Variants in RIMS1 observed in about 807,000 individuals in gnomAD.
The protein encoded by RIMS1 is regulating synaptic membrane exocytosis protein 1.
RIMS1 carries 83 observed loss-of-function variants against 214.1 expected under a neutral mutation model. That is an observed-to-expected ratio of 0.39 (90% CI 0.32 to 0.47). RIMS1 has a LOEUF of 0.47. Among genes scored for constraint, RIMS1 ranks in the 20% least tolerant of loss-of-function variants. RIMS1 has a pLI of 0.99. For missense variants in RIMS1, 2,050 were observed against 2,161.8 expected (o/e 0.95, Z 1.03); for synonymous variants, 793 against 786.8 (o/e 1.01, Z -0.13).
intron 4 of RIMS1, among the ~76,000 whole-genome samples, chr6:72,165,502 T>G (rs1438482766): frequency 6.6e-6 from 1 of 152,184 alleles, no homozygotes. Context: ...TCTTCCTCTC[T>G]TTCTGCCTTT....
chr6:72,311,593 T>C (rs2095514594), intron 27 of RIMS1, among the ~76,000 whole-genome samples: 1 of 152,188 alleles, frequency 6.6e-6, no homozygotes, highest in South Asian at 2.1e-4. Context: ...GAGAGATAAA[T>C]CACACAATTA....
At chr6:72,190,819 G>T (rs1588845084) in intron 6 of RIMS1, among the ~76,000 whole-genome samples, 2 of 152,152 alleles carry the variant, frequency 1.3e-5, no homozygotes, top group Non-Finnish European at 2.9e-5. Context: ...GGGTCAGAAA[G>T]TACCCATTTC....
intron 6 of RIMS1, among the ~76,000 whole-genome samples, chr6:72,214,031 A>AT (rs1156426186): frequency 1.3e-5 from 2 of 152,094 alleles, no homozygotes; most frequent in African/African-American, 4.8e-5. Context: ...AAATAGAAGG[A>AT]TTTTTTCTAC....
chr6:72,265,573 T>C (rs2080160225), intron 21 of RIMS1, 70 bp downstream of exon 21: 1 of 858,796 alleles, frequency 1.2e-6, no homozygotes, highest in Non-Finnish European at 1.9e-6. Flanking sequence ...AGTTGAGTTG[T>C]AAAATTATTT....
intron 1 of RIMS1, among the ~76,000 whole-genome samples, chr6:71,952,837 C>T (rs928668342): frequency 2.0e-5 from 3 of 152,066 alleles, no homozygotes; most frequent in African/African-American, 7.2e-5. Flanking sequence ...CTCAGGTTGG[C>T]TGGGTGGAAG....
chr6:72,366,135 A>G (rs2098008075), intron 29 of RIMS1, among the ~76,000 whole-genome samples: 1 of 152,170 alleles, frequency 6.6e-6, no homozygotes, highest in South Asian at 2.1e-4. Flanking sequence ...AAGTTTTTCT[A>G]TTTCCAGTGT....
At chr6:72,138,406 C>T (rs1475441122) in intron 4 of RIMS1, among the ~76,000 whole-genome samples, 1 of 152,138 alleles carries the variant, frequency 6.6e-6, no homozygotes, top group Non-Finnish European at 1.5e-5. Flanking sequence ...AATCCTCATT[C>T]CTCTCCCCAG....
In RIMS1 at chr6:72,098,305, C is replaced by CT. The variant is rs1452040311; in HGVS notation, c.459+1151dup. 6.7e-3 allele frequency among the ~76,000 whole-genome samples: 747 copies of CT among 111,304 alleles called. 7 individuals carry two copies. The highest frequency in any genetic ancestry group is 0.023 in the African/African-American group (706 of 30,170). 73.0% of individuals were successfully genotyped at this position (111,304 alleles called of 152,430 possible). A position where few individuals can be genotyped will look rare whatever the true frequency, so the allele number is the denominator to read the frequency against. ...TCAATATATCTTTTTTTTTTTTTTT[C>CT]TTTTTTTTCTTGAGACAGAGTCTTG... On this transcript the variant is annotated intron_variant, in intron 3 of 33. Transcript: ENST00000521978.
chr6:72,221,128 T>A (rs1000392477), intron 6 of RIMS1, among the ~76,000 whole-genome samples: 3 of 152,056 alleles, frequency 2.0e-5, no homozygotes, highest in Admixed American at 6.6e-5. Context: ...TTAAACGTAA[T>A]ATCTTTATTC....
At chr6:72,095,630 T>G (rs1445793262) in intron 2 of RIMS1, among the ~76,000 whole-genome samples, 6 of 152,196 alleles carry the variant, frequency 3.9e-5, no homozygotes, top group Non-Finnish European at 8.8e-5. Context: ...ATTTGAGAAT[T>G]TTTAAAGTAA....
intron 1 of RIMS1, among the ~76,000 whole-genome samples, chr6:71,899,098 A>G (rs912704802): frequency 1.3e-5 from 2 of 151,866 alleles, no homozygotes; most frequent in Non-Finnish European, 2.9e-5. Flanking sequence ...ACTAAGAAAT[A>G]TTTTATTTAA....
chr6:72,214,281 G>A (rs923558859), intron 6 of RIMS1, among the ~76,000 whole-genome samples: 4 of 152,096 alleles, frequency 2.6e-5, no homozygotes, highest in Non-Finnish European at 5.9e-5. Context: ...AAACCAAACA[G>A]GGTTTGGTAA....
At chr6:72,380,721 A>G (rs2098472071) in intron 29 of RIMS1, among the ~76,000 whole-genome samples, 1 of 152,118 alleles carries the variant, frequency 6.6e-6, no homozygotes, top group Non-Finnish European at 1.5e-5. Flanking sequence ...AAATTGAGAT[A>G]GGGTCTCTCT....
At chr6:72,221,668 C>T (rs1393769028) in intron 6 of RIMS1, among the ~76,000 whole-genome samples, 1 of 151,720 alleles carries the variant, frequency 6.6e-6, no homozygotes, top group Non-Finnish European at 1.5e-5. Context: ...TTGACTGGCT[C>T]TTTTATTTTG....
intron 6 of RIMS1, among the ~76,000 whole-genome samples, chr6:72,230,363 A>G (rs553135963): frequency 6.6e-6 from 1 of 151,806 alleles, no homozygotes; most frequent in African/African-American, 2.4e-5. Flanking sequence ...AGGCTTTGGG[A>G]CAGATAAGCT....
At chr6:71,981,324 T>G (rs1403188214) in intron 2 of RIMS1, among the ~76,000 whole-genome samples, 1 of 152,120 alleles carries the variant, frequency 6.6e-6, no homozygotes, top group Non-Finnish European at 1.5e-5. Flanking sequence ...CTCATGTTCA[T>G]TTACCCACTA....
chr6:72,099,272 AG>A (rs1186823297), intron 3 of RIMS1, among the ~76,000 whole-genome samples: 1 of 152,234 alleles, frequency 6.6e-6, no homozygotes, highest in Non-Finnish European at 1.5e-5. Flanking sequence ...CGCTTTGGAG[AG>A]GACACTCACG....
Position 72,182,907 on chromosome 6 carries a change from G to T in RIMS1, c.1436G>T (p.Ser479Ile). Residue 479 changes from serine (S) to isoleucine (I), a missense_variant, in exon 6 of 34, where the codon AGC becomes ATC. By Grantham distance (142) the Ser-to-Ile change is moderately radical. This residue lies in a region of RIMS1 where 882 missense variants were observed against 828.9 expected (regional missense o/e 1.06). Coordinates refer to ENST00000521978, the MANE Select transcript of RIMS1 (RefSeq NM_014989.7). ...AGGAAGCAGAGCCGCCTGGACCCCA[G>T]CTCGGCGGTCCTCATGCGGAAGGCC... ...PLRKQSRLDP[S>I]SAVLMRKAKR... 1 of 1,576,954 alleles carries T rather than the reference G, an allele frequency of 6.3e-7. No individual in the cohort carries two copies.
intron 1 of RIMS1, among the ~76,000 whole-genome samples, chr6:71,936,482 ACAAAAAAC>A (rs2150966747): frequency 6.6e-6 from 1 of 152,306 alleles, no homozygotes; most frequent in Admixed American, 6.5e-5. Context: ...AAACTAATCA[ACAAAAAAC>A]CAATAAAATG....
Sources: allele counts gnomAD v4.1 joint callset (sites outside exome capture counted in the v4.1 genomes callset), GRCh38; gene constraint gnomAD v4.1.1; regional missense constraint gnomAD v4.1.1; transcripts MANE v1.5; gene names NCBI Gene and HGNC (gene_info 2026-07-23, HGNC 2026-07-21).